ZNF7: variants seen among roughly 807,000 people sequenced by gnomAD.
The protein encoded by ZNF7 is zinc finger protein 7, also known as C2-H2 type zinc finger protein.
A neutral mutation model predicts 12.0 loss-of-function variants in ZNF7; 10 were observed. That is an observed-to-expected ratio of 0.83 (90% confidence interval 0.51 to 1.42). The LOEUF is 1.42. Ranked by LOEUF, ZNF7 falls within the 40% of genes most tolerant of loss-of-function variation. ZNF7 has a pLI of 0.00. For missense variants in ZNF7, 854 were observed against 837.2 expected, an observed-to-expected ratio of 1.02 and a Z score of -0.25; for synonymous variants, 334 against 295.0, an observed-to-expected ratio of 1.13 and a Z score of -1.35.
downstream of ZNF7, chr8:144,846,768 G>C (rs546529776): frequency 1.3e-5 from 2 of 152,214 alleles, no homozygotes; most frequent in African/African-American, 4.8e-5. Flanking sequence ...GTGCGGTCTC[G>C]GCTCACTGCA....
intron 4 of ZNF7, among the ~76,000 whole-genome samples, chr8:144,840,142 A>C (rs1829686591): frequency 6.6e-6 from 1 of 152,096 alleles, no homozygotes; most frequent in South Asian, 2.1e-4. Flanking sequence ...GCTTGGGAGG[A>C]GTGTCAAGCA....
chr8:144,828,866 A>C, intron 1 of ZNF7, 177 bp from the exon 2 acceptor site: 1 of 729,044 alleles, frequency 1.4e-6, no homozygotes, highest in Non-Finnish European at 2.2e-6. Context: ...AAGAGGAACA[A>C]GAGTTCAGTG....
At chr8:144,843,982 G>A (rs1417487185), downstream of ZNF7, among the ~76,000 whole-genome samples, 1 of 152,114 alleles carries the variant, frequency 6.6e-6, no homozygotes, top group Non-Finnish European at 1.5e-5. Flanking sequence ...CCTCAGAGAG[G>A]CAGGCTGGGC....
At position 144,831,966 on chromosome 8, in the gene ZNF7, G is replaced by A. The variant is rs1325278130; in HGVS notation, c.130+2362G>A. 3.0e-5 allele frequency among the ~76,000 whole-genome samples: 3 copies of A among 100,932 alleles called. 1 individual carries two copies. Among genetic ancestry groups the A allele is most frequent in the Non-Finnish European group, 5.0e-5 (2 of 40,206 alleles). The allele number at this position is 100,932 out of a possible 152,430, so 66.2% of individuals were successfully genotyped here. Reference sequence around the variant, plus strand: ...GAAGGTCAAGGTTGGAGTCAGCTATGATTGTGCCACTGCAGTCCAGCCTAG... The same window carrying A: ...GAAGGTCAAGGTTGGAGTCAGCTATAATTGTGCCACTGCAGTCCAGCCTAG... On this transcript the variant is annotated intron_variant, in intron 3 of 4. Transcript: ENST00000532777.
At position 144,842,037 on chromosome 8, in the gene ZNF7, A is replaced by T; in HGVS notation, c.930A>T (p.Glu310Asp). Residue 310 changes from glutamate (E) to aspartate (D), a missense_variant, in exon 5 of 5, where the codon GAA becomes GAT. Physicochemically the swap from Glu to Asp is conservative, Grantham distance 45 (BLOSUM62 2). Coordinates refer to ENST00000532777, the MANE Select transcript of ZNF7 (RefSeq NM_003416.4). The part of the protein sequence containing the change: ...HTGEKPYRCE[E>D]CGKAFGQSSS... ...GGGAGAAGCCCTACAGATGTGAGGAATGTGGAAAAGCTTTTGGTCAGAGCT... is the reference window on the plus strand; with the variant it reads ...GGGAGAAGCCCTACAGATGTGAGGATTGTGGAAAAGCTTTTGGTCAGAGCT... The T allele has an allele frequency of 6.2e-7, 1 of 1,613,852 alleles. No individual in the cohort carries two copies. Among genetic ancestry groups the T allele is most frequent in the Non-Finnish European group, 8.5e-7 (1 of 1,179,904 alleles).
Position 144,838,490 on chromosome 8 carries a change from C to T in ZNF7, c.247+983C>T, listed in dbSNP as rs565596189. 277 of 247,472 alleles carry T rather than the reference C, an allele frequency of 1.1e-3. 1 individual carries two copies. In the Middle Eastern group the frequency reaches 0.014, roughly 13 times the overall value. 15.3% of individuals were successfully genotyped at this position (247,472 alleles called of 1,614,324 possible). A position where few individuals can be genotyped will look rare whatever the true frequency, so the allele number is the denominator to read the frequency against. ...CAGCATGACAAGGGAGATGGGTCTG[C>T]GTGCATCTCAGCTGCAGAAAGGAAG... On this transcript the variant is annotated intron_variant, in intron 4 of 4. Transcript: ENST00000532777.
At chr8:144,844,443 G>T (rs1005753426), downstream of ZNF7, among the ~76,000 whole-genome samples, 4 of 152,184 alleles carry the variant, frequency 2.6e-5, no homozygotes, top group African/African-American at 7.2e-5. Flanking sequence ...GGGCGTGGTG[G>T]CTCACGCCTG....
chr8:144,840,924 A>G (rs1019226442), intron 4 of ZNF7: 20 of 161,876 alleles, frequency 1.2e-4, no homozygotes. Context: ...TTTCCTCATC[A>G]CAATCCATGC....
chr8:144,839,793 T>C (rs780908828), intron 4 of ZNF7, among the ~76,000 whole-genome samples: 5 of 152,122 alleles, frequency 3.3e-5, no homozygotes, highest in African/African-American at 4.8e-5. Flanking sequence ...CTGAAAGATA[T>C]TGGCCCAGAG....
downstream of ZNF7, among the ~76,000 whole-genome samples, chr8:144,844,808 G>C (rs892320359): frequency 6.6e-6 from 1 of 151,874 alleles, no homozygotes; most frequent in African/African-American, 2.4e-5. Flanking sequence ...GGTGATGAGA[G>C]GGAGTGGGGA....
Position 144,829,050 on chromosome 8 carries a change from G to C in ZNF7, c.-38G>C, listed in dbSNP as rs751223877. On this transcript the variant is annotated 5_prime_UTR_variant, in exon 2 of 5. Coordinates refer to ENST00000532777, the MANE Select transcript of ZNF7 (RefSeq NM_003416.4). ...TTTCATAATTGCCAACAGGTCTCTC[G>C]GCCAGAACACGTGGATGCCCACCCA... 3 of 1,613,840 alleles carry C rather than the reference G, an allele frequency of 1.9e-6. No homozygotes were observed. The highest frequency in any genetic ancestry group is 1.6e-4 in the Middle Eastern group (1 of 6,062).
intron 4 of ZNF7, among the ~76,000 whole-genome samples, chr8:144,839,748 T>A (rs1586824884): frequency 1.3e-5 from 2 of 152,196 alleles, no homozygotes; most frequent in South Asian, 4.1e-4. Flanking sequence ...CCAGATATGT[T>A]ACTTGTCCCC....
In ZNF7 at chr8:144,842,749, A is replaced by G. The variant is rs767394022; in HGVS notation, c.1642A>G (p.Thr548Ala). Residue 548 changes from threonine to alanine, a missense_variant, in exon 5 of 5, where the codon ACT becomes GCT. Physicochemically the swap from Thr to Ala is moderately conservative, Grantham distance 58. Transcript: ENST00000532777. ...TQLTIHQRVH[T>A]GERPYKCNEC... is the part of the protein sequence containing the mutation. ...GCTTACAATACATCAAAGGGTTCACACTGGAGAGAGGCCCTATAAATGTAA... is the reference window on the plus strand; with the variant it reads ...GCTTACAATACATCAAAGGGTTCACGCTGGAGAGAGGCCCTATAAATGTAA... 2.5e-6 allele frequency: 4 copies of G among 1,614,212 alleles called. No individual in the cohort carries two copies. Among genetic ancestry groups the G allele is most frequent in the Non-Finnish European group, 3.4e-6 (4 of 1,180,040 alleles).
intron 1 of ZNF7, 79 bp from the exon 2 acceptor site, chr8:144,828,964 G>C (rs936261532): frequency 8.4e-6 from 13 of 1,540,722 alleles, no homozygotes; most frequent in Non-Finnish European, 1.1e-5. Context: ...AAGGAGCAGA[G>C]AGCACAGTAC....
downstream of ZNF7, among the ~76,000 whole-genome samples, chr8:144,845,329 G>A (rs80329884): frequency 3.7e-3 from 559 of 152,162 alleles, 3 homozygotes; most frequent in African/African-American, 0.013. Context: ...TGAGAAACTC[G>A]GAGGTGAGGA....
downstream of ZNF7, chr8:144,846,773 A>G (rs2722481): frequency 0.016 from 2,406 of 152,248 alleles, 192 homozygotes; most frequent in East Asian, 0.23. Context: ...GTCTCGGCTC[A>G]CTGCAAGCTC....
At chr8:144,838,032 C>T (rs568508807) in intron 4 of ZNF7, 60 of 697,780 alleles carry the variant, frequency 8.6e-5, no homozygotes, top group Admixed American at 3.0e-4. Flanking sequence ...AATCTGAAAC[C>T]GGGGGGTCAG....
Position 144,843,234 on chromosome 8 carries a change from G to GGAATCGTTTATACTGACAAACATGTA in ZNF7, c.*71_*96dup, listed in dbSNP as rs1329150054. ...TAGCCTTAACTTACTTATTTTATAT[G>GGAATCGTTTATACTGACAAACATGTA]GAATCGTTTATACTGACAAACATGT... is the stretch of plus-strand genomic sequence containing the variant. On this transcript the variant is annotated 3_prime_UTR_variant, in exon 5 of 5. Coordinates refer to ENST00000532777, the MANE Select transcript of ZNF7 (RefSeq NM_003416.4). 1 of 1,479,932 alleles carries GGAATCGTTTATACTGACAAACATGTA rather than the reference G, an allele frequency of 6.8e-7. No individual in the cohort carries two copies. The highest frequency in any genetic ancestry group is 9.0e-7 in the Non-Finnish European group (1 of 1,106,404). The allele number at this position is 1,479,932 out of a possible 1,614,324, so 91.7% of individuals were successfully genotyped here. A position where few individuals can be genotyped will look rare whatever the true frequency, so the allele number is the denominator to read the frequency against.
downstream of ZNF7, chr8:144,846,305 CTAA>C (rs1205820940): frequency 1.1e-6 from 1 of 945,262 alleles, no homozygotes; most frequent in African/African-American, 1.7e-5. Flanking sequence ...TGACATGGTC[CTAA>C]GTCAGGGGCT....
Sources: allele counts gnomAD v4.1 joint callset (sites outside exome capture counted in the v4.1 genomes callset), GRCh38; gene constraint gnomAD v4.1.1; transcripts MANE v1.5; gene names NCBI Gene and HGNC (gene_info 2026-07-23, HGNC 2026-07-21).